The following PPP2R3A variants were observed in gnomAD, a reference collection of about 807,000 sequenced individuals.
The protein encoded by PPP2R3A is protein phosphatase 2 regulatory subunit B''alpha.
A neutral mutation model predicts 106.9 loss-of-function variants in PPP2R3A; 80 were observed. That is an observed-to-expected ratio of 0.75 (90% CI 0.62 to 0.90). The LOEUF is 0.90. Ranked by LOEUF, PPP2R3A falls within the 40% of genes least tolerant of loss-of-function variation. The pLI, the probability that PPP2R3A is intolerant of heterozygous loss-of-function variation, is 0.00. For synonymous variants in PPP2R3A, 483 were observed against 468.3 expected, an observed-to-expected ratio of 1.03 and a Z score of -0.41; for missense variants, 1,386 against 1,350.4, an observed-to-expected ratio of 1.03 and a Z score of -0.41.
intron 13 of PPP2R3A, among the ~76,000 whole-genome samples, chr3:136,143,697 A>G (rs539617135): frequency 2.0e-5 from 3 of 152,270 alleles, no homozygotes; most frequent in Admixed American, 2.0e-4. Flanking sequence ...AGGCTGAGGC[A>G]GGAGAATCAC....
chr3:136,073,989 A>T (rs1361262724), intron 6 of PPP2R3A, among the ~76,000 whole-genome samples: 1 of 152,266 alleles, frequency 6.6e-6, no homozygotes, highest in Non-Finnish European at 1.5e-5. Context: ...TAAGAAACAT[A>T]TAAAGATCAG....
intron 3 of PPP2R3A, 45 bp downstream of exon 3, chr3:136,027,143 A>AC: frequency 6.5e-7 from 1 of 1,528,220 alleles, no homozygotes; most frequent in Non-Finnish European, 8.9e-7. Flanking sequence ...TTCTTTAGAA[A>AC]CCCTGATCCC....
chr3:135,986,416 C>T (rs1576412635), intron 1 of PPP2R3A, among the ~76,000 whole-genome samples: 1 of 152,244 alleles, frequency 6.6e-6, no homozygotes, highest in East Asian at 1.9e-4. Context: ...AAATCCAGTT[C>T]TTTGCCTATT....
chr3:136,081,952 T>A (rs957111285), intron 7 of PPP2R3A, among the ~76,000 whole-genome samples: 3 of 152,192 alleles, frequency 2.0e-5, no homozygotes, highest in Non-Finnish European at 4.4e-5. Flanking sequence ...AAGACTATGA[T>A]CTAATTGTTC....
At chr3:135,989,790 A>G (rs1933077848) in intron 1 of PPP2R3A, among the ~76,000 whole-genome samples, 1 of 152,156 alleles carries the variant, frequency 6.6e-6, no homozygotes. Context: ...GTTGTATACT[A>G]TAGATTTTTA....
intron 1 of PPP2R3A, among the ~76,000 whole-genome samples, chr3:135,982,417 C>A: frequency 6.6e-6 from 1 of 152,254 alleles, no homozygotes. Context: ...TTGGAAGTGT[C>A]TCAGGTTCTC....
chr3:136,025,070 A>C (rs148696646), intron 2 of PPP2R3A, among the ~76,000 whole-genome samples: 1 of 152,148 alleles, frequency 6.6e-6, no homozygotes, highest in Non-Finnish European at 1.5e-5. Context: ...ATTATGCTTC[A>C]TCTAATTTTT....
chr3:136,108,973 C>A (rs1283230474), intron 13 of PPP2R3A, among the ~76,000 whole-genome samples: 1 of 151,962 alleles, frequency 6.6e-6, no homozygotes, highest in Non-Finnish European at 1.5e-5. Flanking sequence ...AATCATAAAA[C>A]CAAGAGACAA....
At chr3:136,025,524 A>C (rs1458907544) in intron 2 of PPP2R3A, among the ~76,000 whole-genome samples, 1 of 152,116 alleles carries the variant, frequency 6.6e-6, no homozygotes, top group African/African-American at 2.4e-5. Context: ...TAGGAGATTT[A>C]ACCATTTTCA....
chr3:135,977,920 G>T (rs1194617118), intron 1 of PPP2R3A, among the ~76,000 whole-genome samples: 4 of 151,848 alleles, frequency 2.6e-5, no homozygotes, highest in Admixed American at 6.6e-5. Context: ...GGCTGGTCTT[G>T]AACTCCTAAG....
At chr3:136,034,778 T>C (rs1935030685) in intron 3 of PPP2R3A, among the ~76,000 whole-genome samples, 1 of 152,230 alleles carries the variant, frequency 6.6e-6, no homozygotes, top group African/African-American at 2.4e-5. Context: ...TGTTTGTTTA[T>C]TGACTTTCTG....
intron 5 of PPP2R3A, among the ~76,000 whole-genome samples, chr3:136,060,156 A>G (rs1936026965): frequency 2.0e-5 from 3 of 152,216 alleles, no homozygotes; most frequent in Admixed American, 6.5e-5. Context: ...AATACGGTAT[A>G]TATACACAAT....
At chr3:136,038,007 C>T (rs747535596) in intron 3 of PPP2R3A, among the ~76,000 whole-genome samples, 2 of 151,728 alleles carry the variant, frequency 1.3e-5, no homozygotes, top group Non-Finnish European at 2.9e-5. Context: ...AAAGCTTGTT[C>T]TCTCTTCTAT....
intron 1 of PPP2R3A, among the ~76,000 whole-genome samples, chr3:135,979,544 G>T (rs909833059): frequency 1.3e-5 from 2 of 151,804 alleles, no homozygotes; most frequent in African/African-American, 4.9e-5. Context: ...TGTGTCATAT[G>T]ATGGGTCCCT....
chr3:136,144,389 AGTGGCTCAAGCCT>A (rs1423888045), intron 13 of PPP2R3A, among the ~76,000 whole-genome samples: 2 of 152,196 alleles, frequency 1.3e-5, no homozygotes, highest in Admixed American at 6.5e-5. Context: ...CTGGCCGACC[AGTGGCTCAAGCCT>A]GTAATCCCAG....
At chr3:135,975,842 A>G (rs1937404116) in intron 1 of PPP2R3A, among the ~76,000 whole-genome samples, 1 of 152,104 alleles carries the variant, frequency 6.6e-6, no homozygotes, top group Admixed American at 6.6e-5. Flanking sequence ...TATAAGATAT[A>G]TATAATCTAA....
chr3:136,103,526 C>A, intron 12 of PPP2R3A, 150 bp downstream of exon 12: 1 of 596,406 alleles, frequency 1.7e-6, no homozygotes, highest in Non-Finnish European at 2.9e-6. Flanking sequence ...CAATAAAGGA[C>A]CTCTAGAGCA....
chr3:136,070,709 T>C (rs1172680363), intron 6 of PPP2R3A, among the ~76,000 whole-genome samples, 157 bp downstream of exon 6: 1 of 152,258 alleles, frequency 6.6e-6, no homozygotes, highest in East Asian at 1.9e-4. Flanking sequence ...ATTCATAATT[T>C]CTTCATTTTT....
intron 5 of PPP2R3A, among the ~76,000 whole-genome samples, chr3:136,056,073 CT>C (rs1935850435): frequency 6.6e-6 from 1 of 152,204 alleles, no homozygotes; most frequent in Admixed American, 6.5e-5. Flanking sequence ...TCTGGCCTTT[CT>C]CCCAAAAATC....
Sources: allele counts gnomAD v4.1 joint callset (sites outside exome capture counted in the v4.1 genomes callset), GRCh38; gene constraint gnomAD v4.1.1; transcripts MANE v1.5; gene names NCBI Gene and HGNC (gene_info 2026-07-23, HGNC 2026-07-21).